Variants in NCKAP1 observed in about 807,000 individuals in gnomAD.
NCKAP1 encodes NCK associated protein 1, also known as nck-associated protein 1.
NCKAP1 carries 21 observed loss-of-function variants against 151.2 expected under a neutral mutation model. That is an observed-to-expected ratio of 0.14 (90% CI 0.10 to 0.20). The LOEUF (loss-of-function observed/expected upper bound fraction) is 0.20, where lower values mean the gene tolerates loss of function less well. Ranked by LOEUF, NCKAP1 falls within the 10% of genes least tolerant of loss-of-function variation. NCKAP1 has a pLI of 1.00. For synonymous variants in NCKAP1, 484 were observed against 451.8 expected (o/e 1.07, Z -0.90); for missense variants, 933 against 1,352.1 (o/e 0.69, Z 4.86).
Position 182,934,850 on chromosome 2 carries a change from T to C in NCKAP1, c.2779-18A>G. ...GATAAGACCTAGGCAGGATAACAAA[T>C]AAGAATACAGAATTATTTTTAAATG... On this transcript the variant is annotated intron_variant, in intron 25 of 30. Transcript: ENST00000361354. The C allele has an allele frequency of 8.3e-7, 1 of 1,198,908 alleles. No homozygotes were observed. The allele number at this position is 1,198,908 out of a possible 1,614,324, so 74.3% of individuals were successfully genotyped here. A position where few individuals can be genotyped will look rare whatever the true frequency, so the allele number is the denominator to read the frequency against.
intron 17 of NCKAP1, 24 bp from the exon 18 acceptor site, chr2:182,962,302 T>C (rs1161539841): frequency 1.9e-6 from 3 of 1,563,838 alleles, no homozygotes; most frequent in Non-Finnish European, 1.7e-6. Context: ...ATAATAATAA[T>C]AATACAAGTT....
At chr2:182,983,754 C>T (rs572992037) in intron 10 of NCKAP1, among the ~76,000 whole-genome samples, 1 of 152,220 alleles carries the variant, frequency 6.6e-6, no homozygotes, top group Non-Finnish European at 1.5e-5. Context: ...TGATGGTGAC[C>T]AGGCACAGTG....
intron 2 of NCKAP1, 72 bp from the exon 3 acceptor site, chr2:183,003,397 T>C: frequency 2.2e-6 from 2 of 901,470 alleles, no homozygotes; most frequent in East Asian, 2.5e-5. Context: ...AACTATCTTC[T>C]TTTATGACTG....
rs1034176194 is a variant in NCKAP1 at position 182,934,614 on chromosome 2, A to T, written c.2859+138T>A. On this transcript the variant is annotated intron_variant, in intron 26 of 30. Coordinates refer to ENST00000361354, the MANE Select transcript of NCKAP1 (RefSeq NM_013436.5). ...GTGCTGAGCTCTCAAAGATTCAATT[A>T]CAAAGGCAAGCATGCTAACTAACCA... is the stretch of plus-strand genomic sequence containing the variant. 25 of 562,682 alleles carry T rather than the reference A, an allele frequency of 4.4e-5. No individual in the cohort carries two copies. The Admixed American group carries it at 8.8e-4, about 20-fold the overall frequency. 34.9% of individuals were successfully genotyped at this position (562,682 alleles called of 1,614,324 possible). A position where few individuals can be genotyped will look rare whatever the true frequency, so the allele number is the denominator to read the frequency against.
At chr2:182,952,713 T>A in intron 22 of NCKAP1, 80 bp downstream of exon 22, 1 of 1,399,638 alleles carries the variant, frequency 7.1e-7, no homozygotes, top group Non-Finnish European at 9.6e-7. Flanking sequence ...CACAACAGAA[T>A]CAAAAGTCTA....
chr2:183,007,768 C>T (rs1366642652), intron 2 of NCKAP1, among the ~76,000 whole-genome samples: 10 of 152,166 alleles, frequency 6.6e-5, no homozygotes, highest in Admixed American at 6.5e-4. Context: ...CACTGAGATG[C>T]TATTTGGGTA....
At chr2:182,958,994 C>T (rs750484847) in intron 18 of NCKAP1, among the ~76,000 whole-genome samples, 15 of 152,114 alleles carry the variant, frequency 9.9e-5, no homozygotes, top group Admixed American at 3.3e-4. Flanking sequence ...AGGGTTGAAT[C>T]ATTGTTTTTA....
intron 8 of NCKAP1, among the ~76,000 whole-genome samples, chr2:182,992,435 C>T (rs1457442856): frequency 6.6e-6 from 1 of 152,162 alleles, no homozygotes; most frequent in Admixed American, 6.5e-5. Flanking sequence ...ATGCCATCAG[C>T]ATTCCCGTTT....
At chr2:182,935,458 T>C in intron 24 of NCKAP1, 83 bp from the exon 25 acceptor site, 1 of 725,588 alleles carries the variant, frequency 1.4e-6, no homozygotes, top group Non-Finnish European at 2.1e-6. Context: ...AATCTAAATT[T>C]ATTAAAGTAA....
intron 1 of NCKAP1, among the ~76,000 whole-genome samples, chr2:183,036,574 C>G (rs1272067986): frequency 1.3e-5 from 2 of 152,208 alleles, no homozygotes; most frequent in Middle Eastern, 3.4e-3. Context: ...AGAGGGGCTT[C>G]TTTGTCATGA....
rs531547598 is a variant in NCKAP1 at position 182,910,199 on chromosome 2, C to T, written c.*15503G>A. On this transcript the variant is annotated 3_prime_UTR_variant, in exon 31 of 31. Coordinates refer to ENST00000361354, the MANE Select transcript of NCKAP1 (RefSeq NM_013436.5). ...AGTTCAAACTCAAGGAGCTGCCTCA[C>T]TAAACTCTACATCATTTTGGAGTCC... is the stretch of plus-strand genomic sequence containing the variant. 2.0e-5 allele frequency: 3 copies of T among 152,292 alleles called. No homozygotes were observed. Among genetic ancestry groups the T allele is most frequent in the African/African-American group, 7.2e-5 (3 of 41,540 alleles). The allele number at this position is 152,292 out of a possible 1,614,324, so 9.4% of individuals were successfully genotyped here.
chr2:183,033,857 G>C (rs1042925068), intron 1 of NCKAP1, among the ~76,000 whole-genome samples: 1 of 152,094 alleles, frequency 6.6e-6, no homozygotes, highest in African/African-American at 2.4e-5. Context: ...GGCAGACAGT[G>C]AATTTTTGAA....
chr2:182,935,233 T>G, intron 25 of NCKAP1, 60 bp downstream of exon 25: 3 of 1,196,532 alleles, frequency 2.5e-6, no homozygotes, highest in Non-Finnish European at 3.6e-6. Flanking sequence ...AACTTTAAAT[T>G]TCTGAGAAAT....
At chr2:182,945,274 G>A (rs931092309) in intron 23 of NCKAP1, among the ~76,000 whole-genome samples, 13 of 151,580 alleles carry the variant, frequency 8.6e-5, no homozygotes, top group African/African-American at 3.2e-4. Context: ...AAAAAAGTAG[G>A]CACAGTGGTA....
intron 10 of NCKAP1, 120 bp downstream of exon 10, chr2:182,986,050 GA>G: frequency 1.2e-6 from 1 of 846,248 alleles, no homozygotes; most frequent in Non-Finnish European, 1.9e-6. Flanking sequence ...CTCATTGACT[GA>G]AAGTCCCCCT....
chr2:183,036,799 C>T (rs1699110264), intron 1 of NCKAP1, among the ~76,000 whole-genome samples: 1 of 143,132 alleles, frequency 7.0e-6, no homozygotes, highest in Non-Finnish European at 1.5e-5. Flanking sequence ...CACTCAAACG[C>T]TTGGAAATGA....
chr2:182,938,783 A>C (rs1326858763), intron 24 of NCKAP1, among the ~76,000 whole-genome samples: 1 of 152,200 alleles, frequency 6.6e-6, no homozygotes. Context: ...CACTAACCAA[A>C]TTTCATAGTC....
chr2:182,944,973 A>C (rs1697070436), intron 23 of NCKAP1, among the ~76,000 whole-genome samples: 1 of 151,970 alleles, frequency 6.6e-6, no homozygotes, highest in South Asian at 2.1e-4. Flanking sequence ...GGTGGCTCAC[A>C]CCTGTAATCT....
intron 12 of NCKAP1, among the ~76,000 whole-genome samples, chr2:182,982,458 T>C (rs537371685): frequency 1.1e-4 from 16 of 152,316 alleles, no homozygotes; most frequent in African/African-American, 3.6e-4. Context: ...GAGATACACA[T>C]TTAGTACAAA....
Sources: gnomAD v4.1 joint callset for allele counts (sites outside exome capture counted in the v4.1 genomes callset) on GRCh38, gnomAD v4.1.1 for gene constraint, MANE v1.5 for transcripts, NCBI Gene and HGNC (gene_info 2026-07-23, HGNC 2026-07-21) for gene names.